Variants in CAMSAP3 observed in about 807,000 individuals in gnomAD.
CAMSAP3 encodes calmodulin-regulated spectrin-associated protein 3.
CAMSAP3 carries 34 observed loss-of-function variants against 112.5 expected under a neutral mutation model. The observed-to-expected ratio is 0.30, with a 90% CI of 0.23 to 0.40. The LOEUF is 0.40. Ranked by LOEUF, CAMSAP3 falls within the 10% of genes least tolerant of loss-of-function variation. The pLI, the probability that CAMSAP3 is intolerant of heterozygous loss-of-function variation, is 1.00. For missense variants in CAMSAP3, 1,602 were observed against 1,770.3 expected, an observed-to-expected ratio of 0.90 and a Z score of 1.71; for synonymous variants, 868 against 799.8, an observed-to-expected ratio of 1.09 and a Z score of -1.44.
chr19:7,612,771 G>A lies in CAMSAP3; in HGVS notation c.2278G>A (p.Ala760Thr), dbSNP rs1447000653. 2 of 1,530,728 alleles carry A rather than the reference G, an allele frequency of 1.3e-6. No homozygotes were observed. The highest frequency in any genetic ancestry group is 1.7e-6 in the Non-Finnish European group (2 of 1,143,778). The allele number at this position is 1,530,728 out of a possible 1,614,324, so 94.8% of individuals were successfully genotyped here. A position where few individuals can be genotyped will look rare whatever the true frequency, so the allele number is the denominator to read the frequency against. Residue 760 changes from alanine (A) to threonine (T), a missense_variant, in exon 11 of 17, where the codon GCC becomes ACC. By Grantham distance (58) the Ala-to-Thr change is moderately conservative. This residue lies in a region of CAMSAP3 where 1,100 missense variants were observed against 1,135.7 expected (regional missense o/e 0.97). Transcript: ENST00000160298. ...TGPKAASPSPARRVPATRRSP... is the reference protein window; with the variant it reads ...TGPKAASPSPTRRVPATRRSP... ...GCCCAAAGCTGCATCCCCCAGCCCC[G>A]CCCGGCGAGTCCCGGCCACCCGGCG...
chr19:7,617,559 A>G lies in CAMSAP3; in HGVS notation c.3342A>G (p.Lys1114=). The stretch of plus-strand genomic sequence containing the variant: ...ACCCTCTAGGTCCACGGCTGTACAA[A>G]GAACCCAGCGCCAAGTCCAACAAGT... ...VPEYTGPRLY[K]EPSAKSNKFI... Residue 1114 remains lysine, a synonymous_variant, in exon 16 of 17, where the codon AAA becomes AAG. Coordinates refer to ENST00000160298, the MANE Select transcript of CAMSAP3 (RefSeq NM_020902.2). The surrounding 1 kb of genome is among the most constrained non-coding windows in gnomAD (Gnocchi z 7.5). The G allele has an allele frequency of 4.3e-6, 7 of 1,614,116 alleles. No homozygotes were observed. Among genetic ancestry groups the G allele is most frequent in the Non-Finnish European group, 5.9e-6 (7 of 1,180,020 alleles).
intron 2 of CAMSAP3, among the ~76,000 whole-genome samples, chr19:7,605,869 AG>A (rs1419817019): frequency 7.3e-6 from 1 of 136,376 alleles, no homozygotes; most frequent in Non-Finnish European, 1.6e-5. Flanking sequence ...CCACCAGTCC[AG>A]GCTCCTCCCC....
rs947578623 is a variant in CAMSAP3, at chr19:7,618,147, G to T, written c.*90G>T. ...CAGTCGGTATTCCTGGGTCCTGTCT[G>T]TCCCCAACCGTGTCTGGGTGGGGCT... is the stretch of plus-strand genomic sequence containing the variant. On this transcript the variant is annotated 3_prime_UTR_variant, in exon 17 of 17. Coordinates refer to ENST00000160298, the MANE Select transcript of CAMSAP3 (RefSeq NM_020902.2). 96 of 1,404,110 alleles carry T rather than the reference G, an allele frequency of 6.8e-5. No individual in the cohort carries two copies. The highest frequency in any genetic ancestry group is 8.9e-5 in the Non-Finnish European group (92 of 1,039,124). 87.0% of individuals were successfully genotyped at this position (1,404,110 alleles called of 1,614,324 possible).
Position 7,607,879 on chromosome 19 carries a change from C to T in CAMSAP3, c.622-247C>T. The T allele has an allele frequency of 2.7e-6, 3 of 1,126,182 alleles. No homozygotes were observed. Among genetic ancestry groups the T allele is most frequent in the South Asian group, 1.4e-5 (1 of 69,446 alleles). The allele number at this position is 1,126,182 out of a possible 1,614,324, so 69.8% of individuals were successfully genotyped here. A position where few individuals can be genotyped will look rare whatever the true frequency, so the allele number is the denominator to read the frequency against. On this transcript the variant is annotated intron_variant, in intron 4 of 16. Transcript: ENST00000160298. This position sits in a 1 kb window ranked among gnomAD's most constrained non-coding sequence, Gnocchi z 4.9. Reference sequence around the variant, plus strand: ...AGCAAACCCCCCATGGTAATGTATCCCCCGCCCCGGGGTCCCAGGAGTCCC... The same window carrying T: ...AGCAAACCCCCCATGGTAATGTATCTCCCGCCCCGGGGTCCCAGGAGTCCC...
Position 7,610,425 on chromosome 19 carries a change from C to A in CAMSAP3, c.761-51C>A, listed in dbSNP as rs766410075. ...CTGCTGGTCCCTGGCTTCCCTGGGG[C>A]CCCATCCTCCTCCTCATAGAGTTGG... On this transcript the variant is annotated intron_variant, in intron 5 of 16. Transcript: ENST00000160298. The surrounding 1 kb of genome is among the most constrained non-coding windows in gnomAD (Gnocchi z 4.9). 5 of 1,555,610 alleles carry A rather than the reference C, an allele frequency of 3.2e-6. No individual in the cohort carries two copies. The Admixed American group carries it at 7.3e-5, about 23-fold the overall frequency.
In CAMSAP3 at chr19:7,617,752, G is replaced by C; in HGVS notation, c.3445G>C (p.Glu1149Gln). Reference protein sequence around the residue: ...NEPQKNRILEEIEKSKANHFL... With the variant: ...NEPQKNRILEQIEKSKANHFL... ...GACCATTTCCAGCACTCCTGCCCAG[G>C]AAATTGAGAAAAGCAAGGCCAACCA... Residue 1149 changes from glutamate (E) to glutamine (Q), a missense_variant and splice_region_variant, in exon 17 of 17, where the codon GAA (glutamate) becomes CAA (glutamine). Glu to Gln is a conservative substitution (Grantham distance 29, BLOSUM62 2). Transcript: ENST00000160298. The surrounding 1 kb of genome is among the most constrained non-coding windows in gnomAD (Gnocchi z 7.5). The C allele has an allele frequency of 6.2e-7, 1 of 1,611,670 alleles. No homozygotes were observed. Among genetic ancestry groups the C allele is most frequent in the Middle Eastern group, 1.7e-4 (1 of 6,054 alleles).
In CAMSAP3 at chr19:7,606,460, C is replaced by T. The variant is rs936805293; in HGVS notation, c.526-16C>T. The T allele has an allele frequency of 9.3e-6, 15 of 1,604,760 alleles. No homozygotes were observed. Among genetic ancestry groups the T allele is most frequent in the East Asian group, 2.2e-5 (1 of 44,800 alleles). Reference sequence around the variant, plus strand: ...CGTCCAGTGGCCAGACCACTGACCCCCTCCCTGCCCTCCAGACCGTCCGGC... The same window carrying T: ...CGTCCAGTGGCCAGACCACTGACCCTCTCCCTGCCCTCCAGACCGTCCGGC... On this transcript the variant is annotated splice_polypyrimidine_tract_variant and intron_variant, in intron 3 of 16. Coordinates refer to ENST00000160298, the MANE Select transcript of CAMSAP3 (RefSeq NM_020902.2).
intron 5 of CAMSAP3, among the ~76,000 whole-genome samples, chr19:7,609,122 C>G (rs1356063988): frequency 6.6e-6 from 1 of 151,402 alleles, no homozygotes; most frequent in Non-Finnish European, 1.5e-5. Context: ...GAGTTCAAGA[C>G]CAGCCTGGCC....
Position 7,616,577 on chromosome 19 carries a change from CCAA to C in CAMSAP3, c.3169_3171del (p.Asn1057del), listed in dbSNP as rs752028288. 8.7e-6 allele frequency: 14 copies of C among 1,612,270 alleles called. No homozygotes were observed. Among genetic ancestry groups the C allele is most frequent in the African/African-American group, 6.7e-5 (5 of 74,842 alleles). ...TCCACCCTGTCACTGTCCACTGTGG[CCAA>C]CGAGGCCCACAATAACCTCGGGGTG... On this transcript the variant is annotated inframe_deletion, in exon 14 of 17. Transcript: ENST00000160298.
chr19:7,612,409 A>T lies in CAMSAP3; in HGVS notation c.1916A>T (p.Gln639Leu), dbSNP rs925396056. The change falls in exon 11 of 17, where the codon CAG becomes CTG. Residue 639 changes from glutamine (Q) to leucine (L), a missense_variant. Transcript: ENST00000160298. ...RQRLGKSAFL[Q>L]VQPREASGEA... ...CGGCTGGGCAAAAGCGCCTTCCTGC[A>T]GGTGCAGCCGCGGGAAGCCTCTGGG... 2.5e-6 allele frequency: 4 copies of T among 1,593,476 alleles called. No individual in the cohort carries two copies. The highest frequency in any genetic ancestry group is 1.7e-5 in the Admixed American group (1 of 57,642).
intron 1 of CAMSAP3, among the ~76,000 whole-genome samples, chr19:7,597,042 G>C (rs1395813617): frequency 6.6e-6 from 1 of 152,220 alleles, no homozygotes; most frequent in Non-Finnish European, 1.5e-5. Flanking sequence ...AGAGCTAGGA[G>C]TCAGGGCCTG....
rs374444101 is a variant in CAMSAP3 at position 7,611,754 on chromosome 19, A to G, written c.1261A>G (p.Met421Val). The G allele has an allele frequency of 1.3e-6, 2 of 1,585,320 alleles. No individual in the cohort carries two copies. Among genetic ancestry groups the G allele is most frequent in the Middle Eastern group, 1.7e-4 (1 of 5,942 alleles). ...FGLDSDVDVV[M>V]GDPVLLRSVS... ...CCTGGACAGCGACGTGGATGTCGTC[A>G]TGGGAGACCCTGTGCTCCTCCGCTC... is the stretch of plus-strand genomic sequence containing the variant. The change falls in exon 11 of 17, where the codon ATG (methionine) becomes GTG (valine). Residue 421 changes from methionine (M) to valine (V), a missense_variant. By Grantham distance (21) the Met-to-Val change is conservative (BLOSUM62 1). Transcript: ENST00000160298. The surrounding 1 kb of genome is among the most constrained non-coding windows in gnomAD (Gnocchi z 6.9).
At position 7,608,225 on chromosome 19, in the gene CAMSAP3, A is replaced by T; in HGVS notation, c.721A>T (p.Thr241Ser). Residue 241 changes from threonine (T) to serine (S), a missense_variant, in exon 5 of 17, where the codon ACC (threonine) becomes TCC (serine). Coordinates refer to ENST00000160298, the MANE Select transcript of CAMSAP3 (RefSeq NM_020902.2). ...DLASGAALAA[T>S]IHCYCPQLLR... ...GGCCAGTGGGGCCGCGCTGGCCGCC[A>T]CCATCCACTGCTATTGTCCCCAGCT... 6.2e-7 allele frequency: 1 copy of T among 1,612,304 alleles called. No individual in the cohort carries two copies. The highest frequency in any genetic ancestry group is 8.5e-7 in the Non-Finnish European group (1 of 1,179,818).
Position 7,607,973 on chromosome 19 carries a change from C to T in CAMSAP3, c.622-153C>T. 1 of 941,926 alleles carries T rather than the reference C, an allele frequency of 1.1e-6. No individual in the cohort carries two copies. Among genetic ancestry groups the T allele is most frequent in the Non-Finnish European group, 1.7e-6 (1 of 604,052 alleles). 58.3% of individuals were successfully genotyped at this position (941,926 alleles called of 1,614,324 possible). ...CCTCTGCCTCTTGCTGCTGCCCCTCCCCTGCTCCAGGCTGGCCCCCCAACT... is the reference window on the plus strand; with the variant it reads ...CCTCTGCCTCTTGCTGCTGCCCCTCTCCTGCTCCAGGCTGGCCCCCCAACT... On this transcript the variant is annotated intron_variant, in intron 4 of 16. Coordinates refer to ENST00000160298, the MANE Select transcript of CAMSAP3 (RefSeq NM_020902.2). This position sits in a 1 kb window ranked among gnomAD's most constrained non-coding sequence, Gnocchi z 4.9.
chr19:7,607,782 A>G lies in CAMSAP3; in HGVS notation c.622-344A>G. On this transcript the variant is annotated intron_variant, in intron 4 of 16. Transcript: ENST00000160298. This position sits in a 1 kb window ranked among gnomAD's most constrained non-coding sequence, Gnocchi z 4.9. Reference sequence around the variant, plus strand: ...GGGCTTGGGGGCCCAGCAGGTCAGCACCCCTCCCCCTTGCTGATGGCTGCT... The same window carrying G: ...GGGCTTGGGGGCCCAGCAGGTCAGCGCCCCTCCCCCTTGCTGATGGCTGCT... The G allele has an allele frequency of 2.6e-6, 2 of 768,956 alleles. No homozygotes were observed. The highest frequency in any genetic ancestry group is 4.2e-6 in the Non-Finnish European group (2 of 478,738). The allele number at this position is 768,956 out of a possible 1,614,324, so 47.6% of individuals were successfully genotyped here. A position where few individuals can be genotyped will look rare whatever the true frequency, so the allele number is the denominator to read the frequency against.
chr19:7,615,387 G>A lies in CAMSAP3; in HGVS notation c.2811-31G>A, dbSNP rs1010409682. The stretch of plus-strand genomic sequence containing the variant: ...GTCTGCCACCGCGGACCCCGTGAGC[G>A]GTTCTGATGCCGATTCCCTGTGATC... On this transcript the variant is annotated intron_variant, in intron 12 of 16. Coordinates refer to ENST00000160298, the MANE Select transcript of CAMSAP3 (RefSeq NM_020902.2). The surrounding 1 kb of genome is among the most constrained non-coding windows in gnomAD (Gnocchi z 6.5). The A allele has an allele frequency of 1.4e-5, 22 of 1,537,026 alleles. No homozygotes were observed. The highest frequency in any genetic ancestry group is 1.7e-4 in the Middle Eastern group (1 of 5,816).
intron 5 of CAMSAP3, among the ~76,000 whole-genome samples, chr19:7,609,384 A>C (rs2030365992): frequency 6.6e-6 from 1 of 151,582 alleles, no homozygotes. Context: ...CTGGTCTTGA[A>C]TCCCTGGGCT....
At chr19:7,609,626 A>C (rs915856564) in intron 5 of CAMSAP3, among the ~76,000 whole-genome samples, 2 of 152,098 alleles carry the variant, frequency 1.3e-5, no homozygotes, top group African/African-American at 4.8e-5. Flanking sequence ...CAAGCACGTT[A>C]ATCTTTATTA....
chr19:7,615,468 C>G lies in CAMSAP3; in HGVS notation c.2861C>G (p.Pro954Arg), dbSNP rs1248437449. 1 of 1,540,874 alleles carries G rather than the reference C, an allele frequency of 6.5e-7. No individual in the cohort carries two copies. Among genetic ancestry groups the G allele is most frequent in the Non-Finnish European group, 8.7e-7 (1 of 1,146,098 alleles). Reference protein sequence around the residue: ...PGPAPLVSAVPMATPAPAARA... With the variant: ...PGPAPLVSAVRMATPAPAARA... ...CCAGCCCCGCTTGTGTCCGCAGTCC[C>G]GATGGCGACTCCAGCCCCTGCTGCC... Residue 954 changes from proline to arginine, a missense_variant, in exon 13 of 17, where the codon CCG (proline) becomes CGG (arginine). Transcript: ENST00000160298. This position sits in a 1 kb window ranked among gnomAD's most constrained non-coding sequence, Gnocchi z 6.5.
Sources: allele counts gnomAD v4.1 joint callset (sites outside exome capture counted in the v4.1 genomes callset), GRCh38; gene constraint gnomAD v4.1.1; regional missense constraint gnomAD v4.1.1; non-coding constraint Gnocchi (gnomAD v3.1); transcripts MANE v1.5; gene names NCBI Gene and HGNC (gene_info 2026-07-23, HGNC 2026-07-21).